The following KCNJ3 variants were observed in gnomAD, a reference collection of about 807,000 sequenced individuals.
KCNJ3 encodes the protein potassium inwardly rectifying channel subfamily J member 3.
Under a neutral mutation model 39.2 loss-of-function variants are expected in KCNJ3, and 4 were observed. The ratio of observed to expected loss-of-function variants is 0.10; its 90% CI spans 0.05 to 0.23. The LOEUF (loss-of-function observed/expected upper bound fraction) is 0.23. Ranked by LOEUF, KCNJ3 falls within the 10% of genes least tolerant of loss-of-function variation. The pLI, the probability that KCNJ3 is intolerant of heterozygous loss-of-function variation, is 1.00. For missense variants in KCNJ3, 276 were observed against 634.9 expected, an observed-to-expected ratio of 0.43 and a Z score of 6.08; for synonymous variants, 230 against 237.4, an observed-to-expected ratio of 0.97 and a Z score of 0.29.
intron 2 of KCNJ3, among the ~76,000 whole-genome samples, chr2:154,757,705 G>A (rs913577195): frequency 1.3e-5 from 2 of 152,140 alleles, no homozygotes; most frequent in Non-Finnish European, 1.5e-5. Context: ...ATTTCTCACA[G>A]TTCTAGAGGC....
intron 2 of KCNJ3, among the ~76,000 whole-genome samples, chr2:154,758,818 T>C (rs939160397): frequency 6.6e-5 from 10 of 152,216 alleles, no homozygotes. Context: ...GGATTAAACA[T>C]TAAACTGAAT....
chr2:154,703,867 A>G (rs542763128), intron 1 of KCNJ3, among the ~76,000 whole-genome samples: 3 of 152,200 alleles, frequency 2.0e-5, no homozygotes, highest in African/African-American at 7.2e-5. Flanking sequence ...TCCACAAATG[A>G]ATGTCTATAT....
At chr2:154,821,754 T>C (rs1329256302) in intron 2 of KCNJ3, among the ~76,000 whole-genome samples, 1 of 150,700 alleles carries the variant, frequency 6.6e-6, no homozygotes, top group Non-Finnish European at 1.5e-5. Context: ...AATTTTCCTT[T>C]GTTAGCCTCC....
chr2:154,741,269 GCAGTCTGACCA>G (rs1685650758), intron 2 of KCNJ3, among the ~76,000 whole-genome samples: 1 of 151,866 alleles, frequency 6.6e-6, no homozygotes, highest in Non-Finnish European at 1.5e-5. Context: ...ATGAACCCTT[GCAGTCTGACCA>G]CAGACCACAT....
rs549116057 is a variant in KCNJ3 at position 154,856,799 on chromosome 2, A to T, written c.*1486A>T. ...GATCAGTAGAACACTTTCAAAATAA[A>T]AATTTGGAATGCAGACTTTTATGAA... is the stretch of plus-strand genomic sequence containing the variant. On this transcript the variant is annotated 3_prime_UTR_variant, in exon 3 of 3. Coordinates refer to ENST00000295101, the MANE Select transcript of KCNJ3 (RefSeq NM_002239.4). 81 of 152,272 alleles carry T rather than the reference A, an allele frequency of 5.3e-4. No individual in the cohort carries two copies. Among genetic ancestry groups the T allele is most frequent in the African/African-American group, 1.9e-3 (78 of 41,554 alleles). 9.4% of individuals were successfully genotyped at this position (152,272 alleles called of 1,614,324 possible). A position where few individuals can be genotyped will look rare whatever the true frequency, so the allele number is the denominator to read the frequency against.
chr2:154,734,125 A>G (rs1418403407), intron 2 of KCNJ3, among the ~76,000 whole-genome samples: 2 of 152,236 alleles, frequency 1.3e-5, no homozygotes, highest in South Asian at 2.1e-4. Flanking sequence ...AAATAAATCT[A>G]CTTCTAACAG....
At chr2:154,787,882 G>C (rs1686561394) in intron 2 of KCNJ3, among the ~76,000 whole-genome samples, 1 of 152,018 alleles carries the variant, frequency 6.6e-6, no homozygotes, top group African/African-American at 2.4e-5. Context: ...AACTAAATGA[G>C]ATCTAGTACC....
intron 2 of KCNJ3, among the ~76,000 whole-genome samples, chr2:154,760,450 C>A (rs773759150): frequency 6.6e-6 from 1 of 151,986 alleles, no homozygotes; most frequent in Non-Finnish European, 1.5e-5. Flanking sequence ...ATTTATTGGT[C>A]TCTTCCTTTA....
chr2:154,773,199 A>T (rs186358875), intron 2 of KCNJ3, among the ~76,000 whole-genome samples: 2 of 152,208 alleles, frequency 1.3e-5, no homozygotes, highest in African/African-American at 4.8e-5. Context: ...TAATGCATTT[A>T]GTCTCTGCTT....
chr2:154,783,154 G>A (rs1686468945), intron 2 of KCNJ3, among the ~76,000 whole-genome samples: 1 of 152,054 alleles, frequency 6.6e-6, no homozygotes, highest in South Asian at 2.1e-4. Context: ...TCCAGCCTGG[G>A]CGACAAAAGT....
intron 2 of KCNJ3, among the ~76,000 whole-genome samples, chr2:154,761,321 C>T (rs1686042253): frequency 6.6e-6 from 1 of 152,010 alleles, no homozygotes; most frequent in East Asian, 1.9e-4. Context: ...GTTTTAACTT[C>T]CTCAGTGATA....
intron 2 of KCNJ3, among the ~76,000 whole-genome samples, chr2:154,840,287 C>G (rs1687552534): frequency 1.3e-5 from 2 of 152,028 alleles, no homozygotes. Flanking sequence ...CTGTTCTGTT[C>G]CATTGGTCTA....
intron 2 of KCNJ3, among the ~76,000 whole-genome samples, chr2:154,818,273 A>G (rs1303477138): frequency 1.3e-5 from 2 of 152,062 alleles, no homozygotes; most frequent in Admixed American, 6.6e-5. Flanking sequence ...TCTTCGAAGT[A>G]TGGGTCTTGG....
chr2:154,799,136 T>C (rs1345515400), intron 2 of KCNJ3, among the ~76,000 whole-genome samples: 2 of 152,134 alleles, frequency 1.3e-5, no homozygotes, highest in Non-Finnish European at 2.9e-5. Flanking sequence ...TTTTTGTTTG[T>C]TTGTTTTTTG....
At chr2:154,844,624 C>CTTTG (rs1352766670) in intron 2 of KCNJ3, among the ~76,000 whole-genome samples, 1 of 152,182 alleles carries the variant, frequency 6.6e-6, no homozygotes, top group Admixed American at 6.5e-5. Flanking sequence ...TTCCCGGTCG[C>CTTTG]TTTGTTTATC....
chr2:154,840,221 G>A (rs1687551357), intron 2 of KCNJ3, among the ~76,000 whole-genome samples: 1 of 152,036 alleles, frequency 6.6e-6, no homozygotes, highest in Admixed American at 6.6e-5. Context: ...TCTTGTTTTT[G>A]TCAGGTTTGT....
intron 2 of KCNJ3, among the ~76,000 whole-genome samples, chr2:154,727,423 T>TAA (rs747975225): frequency 7.0e-6 from 1 of 142,146 alleles, no homozygotes; most frequent in South Asian, 2.2e-4. Context: ...CCGTCTCTAC[T>TAA]AAAAAAAAAA....
chr2:154,842,448 T>C (rs915042872), intron 2 of KCNJ3, among the ~76,000 whole-genome samples: 1 of 152,224 alleles, frequency 6.6e-6, no homozygotes, highest in African/African-American at 2.4e-5. Flanking sequence ...TGTAGATGTC[T>C]ATTAGGTCTG....
At position 154,836,360 on chromosome 2, in the gene KCNJ3, C is replaced by CTGTT. The variant is rs200204144; in HGVS notation, c.920-18364_920-18361dup. On this transcript the variant is annotated intron_variant, in intron 2 of 2. Coordinates refer to ENST00000295101, the MANE Select transcript of KCNJ3 (RefSeq NM_002239.4). ...GAAAATGTCAATTTTAAGGAAGTCA[C>CTGTT]TGTTTGCATTTCATATGTTATTTGT... is the stretch of plus-strand genomic sequence containing the variant. Among the ~76,000 whole-genome samples, 1,111 of 151,920 alleles carry CTGTT rather than the reference C, an allele frequency of 7.3e-3. 13 individuals carry two copies. The highest frequency in any genetic ancestry group is 0.025 in the African/African-American group (1,049 of 41,416).
Sources: gnomAD v4.1 joint callset for allele counts (sites outside exome capture counted in the v4.1 genomes callset) on GRCh38, gnomAD v4.1.1 for gene constraint, MANE v1.5 for transcripts, NCBI Gene and HGNC (gene_info 2026-07-23, HGNC 2026-07-21) for gene names.